CCNE2: variants seen among roughly 807,000 people sequenced by gnomAD.
CCNE2 encodes cyclin E2, also known as G1/S-specific cyclin-E2.
A neutral mutation model predicts 56.8 loss-of-function variants in CCNE2; 18 were observed. The observed-to-expected ratio is 0.32, with a 90% CI of 0.22 to 0.47. The LOEUF is 0.47. Ranked by LOEUF, CCNE2 falls within the 20% of genes least tolerant of loss-of-function variation. The pLI, the probability that CCNE2 is intolerant of heterozygous loss-of-function variation, is 1.00. For synonymous variants in CCNE2, 139 were observed against 149.2 expected (o/e 0.93, Z 0.50); for missense variants, 371 against 467.1 (o/e 0.79, Z 1.90).
Position 94,880,613 on chromosome 8 carries a change from ATATT to A in CCNE2, c.*1015_*1018del. 5.5e-6 allele frequency: 2 copies of A among 363,900 alleles called. No individual in the cohort carries two copies. Among genetic ancestry groups the A allele is most frequent in the East Asian group, 4.1e-5 (1 of 24,560 alleles). 22.5% of individuals were successfully genotyped at this position (363,900 alleles called of 1,614,324 possible). On this transcript the variant is annotated 3_prime_UTR_variant, in exon 12 of 12. Transcript: ENST00000308108. ...TAAATAGATTTCTAGGAGTCAGTATATATTTAATACTCTTCTTCCTTAAGAAAAT... is the reference window on the plus strand; with the variant it reads ...TAAATAGATTTCTAGGAGTCAGTATATAATACTCTTCTTCCTTAAGAAAAT...
At chr8:94,893,079 T>G (rs1817303669) in intron 4 of CCNE2, 110 bp from the exon 5 acceptor site, 4 of 836,200 alleles carry the variant, frequency 4.8e-6, no homozygotes, top group Non-Finnish European at 5.4e-6. Context: ...TAATTTTAGC[T>G]AACATAGATG....
In CCNE2 at chr8:94,881,393, T is replaced by A. The variant is rs1308441835; in HGVS notation, c.*239A>T. ...TGTGGTTGGCTTCTATCCAGTAACC[T>A]TGGGAATGAAGACATCTTTGTAAAC... On this transcript the variant is annotated 3_prime_UTR_variant, in exon 12 of 12. Transcript: ENST00000308108. 5.7e-6 allele frequency: 3 copies of A among 526,350 alleles called. No individual in the cohort carries two copies. Among genetic ancestry groups the A allele is most frequent in the Non-Finnish European group, 1.0e-5 (3 of 299,124 alleles). 32.6% of individuals were successfully genotyped at this position (526,350 alleles called of 1,614,324 possible).
intron 8 of CCNE2, 130 bp downstream of exon 8, chr8:94,885,333 C>T (rs1243094502): frequency 9.4e-7 from 1 of 1,068,418 alleles, no homozygotes; most frequent in African/African-American, 1.6e-5. Flanking sequence ...GCATTAACCT[C>T]TTAGAACTGG....
Position 94,884,022 on chromosome 8 carries a change from C to T in CCNE2, c.831+1045G>A, listed in dbSNP as rs370050761. ...TACCATCACTATCAGAAGGGTATAGCTGCCTAGGACAATTTGGGATGCTAG... is the reference window on the plus strand; with the variant it reads ...TACCATCACTATCAGAAGGGTATAGTTGCCTAGGACAATTTGGGATGCTAG... On this transcript the variant is annotated intron_variant, in intron 9 of 11. Coordinates refer to ENST00000308108, the MANE Select transcript of CCNE2 (RefSeq NM_057749.3). The T allele has an allele frequency of 8.7e-4, 316 of 364,108 alleles. 2 individuals are homozygous for T. In the East Asian group the frequency reaches 0.019, roughly 21 times the overall value. 22.6% of individuals were successfully genotyped at this position (364,108 alleles called of 1,614,324 possible). A position where few individuals can be genotyped will look rare whatever the true frequency, so the allele number is the denominator to read the frequency against.
At chr8:94,895,279 C>G (rs145552172), upstream of CCNE2, 1,125 of 984,546 alleles carry the variant, frequency 1.1e-3, 15 homozygotes, top group African/African-American at 0.019. Context: ...CTGACACCTC[C>G]GGACAGCGCG....
intron 9 of CCNE2, among the ~76,000 whole-genome samples, 157 bp from the exon 10 acceptor site, chr8:94,883,049 G>A (rs1429173985): frequency 1.3e-5 from 2 of 152,152 alleles, no homozygotes; most frequent in African/African-American, 2.4e-5. Flanking sequence ...GCCGAGGCGG[G>A]TGGATCACAA....
intron 9 of CCNE2, among the ~76,000 whole-genome samples, chr8:94,883,115 AAAT>A (rs1816892318): frequency 6.6e-6 from 1 of 152,132 alleles, no homozygotes; most frequent in Admixed American, 6.6e-5. Flanking sequence ...CTCTACTAAA[AAAT>A]ACAAAAAATT....
intron 5 of CCNE2, chr8:94,891,675 A>T: frequency 1.8e-6 from 1 of 543,432 alleles, no homozygotes. Context: ...AAAAAAAAAA[A>T]AAAAACACCA....
chr8:94,895,000 T>C (rs944623593), intron 1 of CCNE2, among the ~76,000 whole-genome samples, 177 bp downstream of exon 1: 2 of 152,092 alleles, frequency 1.3e-5, no homozygotes, highest in African/African-American at 4.8e-5. Context: ...GCCCAGCCGC[T>C]TCCCGGTCCC....
chr8:94,895,931 T>G (rs1285937923), upstream of CCNE2: 1 of 152,928 alleles, frequency 6.5e-6, no homozygotes, highest in Non-Finnish European at 1.5e-5. Flanking sequence ...CACCCAGGTA[T>G]GTATCAACCC....
At chr8:94,895,115 G>C in intron 1 of CCNE2, 62 bp downstream of exon 1, 13 of 929,558 alleles carry the variant, frequency 1.4e-5, no homozygotes, top group Non-Finnish European at 1.7e-5. Flanking sequence ...CCTGTGGTAA[G>C]TGATCGGCCC....
At position 94,880,254 on chromosome 8, in the gene CCNE2, T is replaced by G; in HGVS notation, c.*1378A>C. 1 of 1,340,512 alleles carries G rather than the reference T, an allele frequency of 7.5e-7. No individual in the cohort carries two copies. The highest frequency in any genetic ancestry group is 1.2e-5 in the South Asian group (1 of 80,932). 83.0% of individuals were successfully genotyped at this position (1,340,512 alleles called of 1,614,324 possible). A position where few individuals can be genotyped will look rare whatever the true frequency, so the allele number is the denominator to read the frequency against. ...TTTTAAGCAGTTAAATTTTTTTAAC[T>G]TTTATTTTTTAAACAATGGGCTAAA... On this transcript the variant is annotated 3_prime_UTR_variant, in exon 12 of 12. Transcript: ENST00000308108.
intron 1 of CCNE2, chr8:94,894,699 A>G (rs1304146074): frequency 1.3e-5 from 2 of 155,644 alleles, no homozygotes; most frequent in Non-Finnish European, 2.8e-5. Flanking sequence ...GTGGCGGGGA[A>G]GCAGGGGGCG....
chr8:94,895,335 TG>T, upstream of CCNE2: 2 of 827,584 alleles, frequency 2.4e-6, no homozygotes, highest in Non-Finnish European at 2.9e-6. Context: ...CGCCGCGCCC[TG>T]CTCTCAGTGC....
chr8:94,895,150 T>TC (rs1045487094), intron 1 of CCNE2, 27 bp downstream of exon 1: 8 of 983,414 alleles, frequency 8.1e-6, no homozygotes, highest in African/African-American at 3.5e-5. Flanking sequence ...TCCTCCCACA[T>TC]CCCCCCTACG....
In CCNE2 at chr8:94,881,657, G is replaced by T; in HGVS notation, c.1190C>A (p.Thr397Asn). 2 of 1,613,272 alleles carry T rather than the reference G, an allele frequency of 1.2e-6. No individual in the cohort carries two copies. Among genetic ancestry groups the T allele is most frequent in the East Asian group, 2.2e-5 (1 of 44,858 alleles). Residue 397 changes from threonine to asparagine, a missense_variant, in exon 12 of 12, where the codon ACT (threonine) becomes AAT (asparagine). Physicochemically the swap from Thr to Asn is moderately conservative, Grantham distance 65. Transcript: ENST00000308108. ...TTAGTGTTTTCCTGGTGGTTTTTCA[G>T]TGCTCTTCGGTGGTGTCATAATGCC... Reference protein sequence around the residue: ...NGGIMTPPKSTEKPPGKH With the variant: ...NGGIMTPPKSNEKPPGKH
chr8:94,883,149 G>C (rs575779396), intron 9 of CCNE2, among the ~76,000 whole-genome samples: 1 of 152,044 alleles, frequency 6.6e-6, no homozygotes, highest in South Asian at 2.1e-4. Flanking sequence ...GGTGGCACGC[G>C]CCTGTAGTCC....
chr8:94,885,114 C>T lies in CCNE2; in HGVS notation c.784G>A (p.Val262Ile). The change falls in exon 9 of 12, where the codon GTT becomes ATT. Residue 262 changes from valine (V) to isoleucine (I), a missense_variant. By Grantham distance (29) the Val-to-Ile change is conservative (BLOSUM62 3). Coordinates refer to ENST00000308108, the MANE Select transcript of CCNE2 (RefSeq NM_057749.3). ...QVDALKDAPKVLLPQYSQETF... is the reference protein window; with the variant it reads ...QVDALKDAPKILLPQYSQETF... Reference sequence around the variant, plus strand: ...TCCTGAGAATACTGAGGTAGAAGAACTTTAGGAGCATCTTTAAGAGCATCA... The same window carrying T: ...TCCTGAGAATACTGAGGTAGAAGAATTTTAGGAGCATCTTTAAGAGCATCA... 3 of 1,613,404 alleles carry T rather than the reference C, an allele frequency of 1.9e-6. No homozygotes were observed.
chr8:94,891,370 C>A, intron 5 of CCNE2: 1 of 246,606 alleles, frequency 4.1e-6, no homozygotes, highest in Non-Finnish European at 8.2e-6. Flanking sequence ...TATGAAAAAC[C>A]ACAAAGTGGC....
Sources: allele counts gnomAD v4.1 joint callset (sites outside exome capture counted in the v4.1 genomes callset), GRCh38; gene constraint gnomAD v4.1.1; transcripts MANE v1.5; gene names NCBI Gene and HGNC (gene_info 2026-07-23, HGNC 2026-07-21).